The following CCDC170 variants were observed in gnomAD, a reference collection of about 807,000 sequenced individuals.
CCDC170 encodes coiled-coil domain-containing protein 170.
CCDC170 carries 69 observed loss-of-function variants against 72.6 expected under a neutral mutation model. The ratio of observed to expected loss-of-function variants is 0.95; its 90% CI spans 0.78 to 1.16. The LOEUF (loss-of-function observed/expected upper bound fraction) is 1.16, where lower values mean the gene tolerates loss of function less well. CCDC170 is among the 50% of genes most tolerant of loss of function. CCDC170 has a pLI of 0.00. For synonymous variants in CCDC170, 300 were observed against 303.9 expected (o/e 0.99, Z 0.13); for missense variants, 852 against 832.5 (o/e 1.02, Z -0.29).
intron 5 of CCDC170, among the ~76,000 whole-genome samples, chr6:151,571,701 T>G (rs1776221237): frequency 6.6e-6 from 1 of 151,858 alleles, no homozygotes; most frequent in Non-Finnish European, 1.5e-5. Context: ...TACTCCAGCC[T>G]GGGCAATAAG....
At chr6:151,505,943 A>T (rs2115021413) in intron 1 of CCDC170, among the ~76,000 whole-genome samples, 1 of 152,130 alleles carries the variant, frequency 6.6e-6, no homozygotes, top group South Asian at 2.1e-4. Flanking sequence ...CAAAAAAATT[A>T]AACAAACAAA....
At chr6:151,583,897 G>A (rs1012536788) in intron 6 of CCDC170, among the ~76,000 whole-genome samples, 11 of 152,186 alleles carry the variant, frequency 7.2e-5, no homozygotes, top group African/African-American at 1.2e-4. Context: ...AAGTCAGAAC[G>A]TACACATGTA....
At chr6:151,505,816 G>C (rs1782059571) in intron 1 of CCDC170, among the ~76,000 whole-genome samples, 1 of 152,044 alleles carries the variant, frequency 6.6e-6, no homozygotes, top group Non-Finnish European at 1.5e-5. Flanking sequence ...AGAACTCTAG[G>C]CTGGTCATGG....
rs572185399 is a variant in CCDC170, at chr6:151,592,938, G to C, written c.1294-169G>C. Reference sequence around the variant, plus strand: ...CAAGGGGTAGGCAGGGAACTGGCAGGGTGGTTCAGGAATTTATTACCACAT... The same window carrying C: ...CAAGGGGTAGGCAGGGAACTGGCAGCGTGGTTCAGGAATTTATTACCACAT... On this transcript the variant is annotated intron_variant, in intron 7 of 10. Coordinates refer to ENST00000239374, the MANE Select transcript of CCDC170 (RefSeq NM_025059.4). 66 of 660,174 alleles carry C rather than the reference G, an allele frequency of 1.0e-4. 2 individuals are homozygous for C. In the South Asian group the frequency reaches 1.3e-3, roughly 13 times the overall value. 40.9% of individuals were successfully genotyped at this position (660,174 alleles called of 1,614,324 possible). A position where few individuals can be genotyped will look rare whatever the true frequency, so the allele number is the denominator to read the frequency against.
At position 151,564,834 on chromosome 6, in the gene CCDC170, C is replaced by A. The variant is rs986453866; in HGVS notation, c.775-8340C>A. ...AAGCCAGGTGAGCCTGTCCTCAGAC[C>A]CCCTGGTGGTGCCTATCAGCACTGG... is the stretch of plus-strand genomic sequence containing the variant. On this transcript the variant is annotated intron_variant, in intron 5 of 10. Coordinates refer to ENST00000239374, the MANE Select transcript of CCDC170 (RefSeq NM_025059.4). Among the ~76,000 whole-genome samples the A allele has an allele frequency of 1.1e-4, 16 of 152,160 alleles. 1 individual carries two copies. Among genetic ancestry groups the A allele is most frequent in the Admixed American group, 2.6e-4 (4 of 15,284 alleles).
At chr6:151,496,769 C>T (rs1039712131) in intron 1 of CCDC170, among the ~76,000 whole-genome samples, 2 of 152,228 alleles carry the variant, frequency 1.3e-5, no homozygotes, top group Non-Finnish European at 2.9e-5. Flanking sequence ...TTATACCACT[C>T]ATCTGTGACA....
At chr6:151,606,193 C>T (rs1776781052) in intron 9 of CCDC170, among the ~76,000 whole-genome samples, 1 of 152,232 alleles carries the variant, frequency 6.6e-6, no homozygotes, top group Admixed American at 6.5e-5. Flanking sequence ...TGAGCCACTG[C>T]ACCTGGCCTA....
chr6:151,581,301 T>C (rs938851834), intron 6 of CCDC170, among the ~76,000 whole-genome samples: 1 of 152,208 alleles, frequency 6.6e-6, no homozygotes, highest in African/African-American at 2.4e-5. Flanking sequence ...TCAGCTAAAT[T>C]TATGTTATAT....
At position 151,548,493 on chromosome 6, in the gene CCDC170, T is replaced by C. The variant is rs754701946; in HGVS notation, c.774+4T>C. 67 of 1,571,010 alleles carry C rather than the reference T, an allele frequency of 4.3e-5. No individual in the cohort carries two copies. The highest frequency in any genetic ancestry group is 7.9e-5 in the Admixed American group (4 of 50,840). On this transcript the variant is annotated splice_donor_region_variant and intron_variant, in intron 5 of 10. Coordinates refer to ENST00000239374, the MANE Select transcript of CCDC170 (RefSeq NM_025059.4). ...AGAGAAAGAGAAGCTGAACCAGGTA[T>C]GATATGTGAAGTATACGTGTGCATC...
chr6:151,528,071 G>A (rs375558494), intron 1 of CCDC170, among the ~76,000 whole-genome samples: 10 of 152,242 alleles, frequency 6.6e-5, no homozygotes, highest in African/African-American at 2.2e-4. Flanking sequence ...AAGACTGTGA[G>A]CCACCCCGTG....
rs534352207 is a variant in CCDC170, at chr6:151,565,733, G to A, written c.775-7441G>A. On this transcript the variant is annotated intron_variant, in intron 5 of 10. Transcript: ENST00000239374. ...AGCCTCTTCTTTCTATATACTTCCC[G>A]GTTTTTACCATATTATTTTATTTAC... Among the ~76,000 whole-genome samples the A allele has an allele frequency of 4.5e-4, 68 of 151,866 alleles. 1 individual carries two copies. Among genetic ancestry groups the A allele is most frequent in the African/African-American group, 1.5e-3 (62 of 41,402 alleles).
intron 1 of CCDC170, among the ~76,000 whole-genome samples, chr6:151,504,018 T>C (rs529218828): frequency 5.9e-5 from 9 of 152,188 alleles, no homozygotes; most frequent in South Asian, 4.1e-4. Context: ...TTGAGATAAT[T>C]GGTGAATAAT....
At chr6:151,512,152 G>GTTTTTTT in intron 1 of CCDC170, among the ~76,000 whole-genome samples, 1 of 138,454 alleles carries the variant, frequency 7.2e-6, no homozygotes, top group African/African-American at 2.9e-5. Flanking sequence ...GCAGTATACC[G>GTTTTTTT]TTTTTTTTTG....
chr6:151,586,925 C>T (rs914863716), intron 7 of CCDC170, among the ~76,000 whole-genome samples: 2 of 152,096 alleles, frequency 1.3e-5, no homozygotes. Context: ...GCTGAGATTA[C>T]AGGCGCCCGC....
chr6:151,587,677 GT>G (rs1583039389), intron 7 of CCDC170, among the ~76,000 whole-genome samples: 2 of 152,208 alleles, frequency 1.3e-5, no homozygotes, highest in African/African-American at 4.8e-5. Context: ...GGAAAATCAA[GT>G]CTAGCAGATG....
intron 6 of CCDC170, among the ~76,000 whole-genome samples, chr6:151,574,578 G>A (rs1184378183): frequency 2.0e-5 from 3 of 152,106 alleles, no homozygotes; most frequent in South Asian, 2.1e-4. Context: ...GTTTCCTACC[G>A]TCAATCACAT....
At position 151,573,189 on chromosome 6, in the gene CCDC170, G is replaced by A; in HGVS notation, c.790G>A (p.Val264Ile). 1 of 1,613,528 alleles carries A rather than the reference G, an allele frequency of 6.2e-7. No homozygotes were observed. Among genetic ancestry groups the A allele is most frequent in the Non-Finnish European group, 8.5e-7 (1 of 1,179,888 alleles). The change falls in exon 6 of 11, where the codon GTA becomes ATA. Residue 264 changes from valine to isoleucine, a missense_variant. By Grantham distance (29) the Val-to-Ile change is conservative. Coordinates refer to ENST00000239374, the MANE Select transcript of CCDC170 (RefSeq NM_025059.4). The part of the protein sequence containing the change: ...EKLNQDLLSA[V>I]EAKEALEREV... ...ATCATTTTAGGACCTGCTCAGTGCT[G>A]TAGAAGCAAAAGAAGCTCTTGAAAG...
intron 1 of CCDC170, among the ~76,000 whole-genome samples, chr6:151,533,107 G>T (rs1482372770): frequency 6.1e-5 from 9 of 146,690 alleles, no homozygotes; most frequent in African/African-American, 2.3e-4. Flanking sequence ...AGGTTGGAGT[G>T]CAGTGGCACG....
chr6:151,593,910 C>A (rs1776583066), intron 8 of CCDC170, among the ~76,000 whole-genome samples: 2 of 151,998 alleles, frequency 1.3e-5, no homozygotes, highest in Non-Finnish European at 1.5e-5. Flanking sequence ...TAGCCATTTA[C>A]CTAGCTAGAA....
Sources: allele counts gnomAD v4.1 joint callset (sites outside exome capture counted in the v4.1 genomes callset), GRCh38; gene constraint gnomAD v4.1.1; transcripts MANE v1.5; gene names NCBI Gene and HGNC (gene_info 2026-07-23, HGNC 2026-07-21).